TTN: variants seen among roughly 807,000 people sequenced by gnomAD.
TTN encodes the protein titin, also known as connectin.
In TTN, 1,525 loss-of-function variants were observed where a neutral mutation model predicts 3,223.0. That is an observed-to-expected ratio of 0.47 (90% CI 0.45 to 0.49). TTN has a LOEUF of 0.49. Among genes scored for constraint, TTN ranks in the 20% least tolerant of loss-of-function variants. The probability of loss-of-function intolerance (pLI) is 0.00; values close to 1 mark genes in which losing one functional copy is unlikely to be tolerated. For missense variants in TTN, 40,786 were observed against 43,424.0 expected, an observed-to-expected ratio of 0.94 and a Z score of 5.40; for synonymous variants, 14,094 against 15,161.0, an observed-to-expected ratio of 0.93 and a Z score of 5.17.
At position 178,597,819 on chromosome 2, in the gene TTN, A is replaced by G. The variant is rs1224179750; in HGVS notation, c.57263T>C (p.Val19088Ala). 6.2e-7 allele frequency: 1 copy of G among 1,612,984 alleles called. No individual in the cohort carries two copies. The highest frequency in any genetic ancestry group is 2.2e-5 in the East Asian group (1 of 44,624). The change falls in exon 294 of 363, where the codon GTT becomes GCT. Residue 19088 changes from valine (V) to alanine (A), a missense_variant and splice_region_variant. Transcript: ENST00000589042. ...TDVIEMKDRL[V>A]SPDLQLDASV... is the part of the protein sequence containing the mutation. ...GGCATCTAGCTGAAGGTCAGGTGAA[A>G]CTGGAAGCAATTGAAAATTACAAAT...
Position 178,720,220 on chromosome 2 carries a change from T to A in TTN, c.23422A>T (p.Ile7808Phe), listed in dbSNP as rs780407852. ...VKKLSDTSTLIGDAVELRAIV... is the reference protein window; with the variant it reads ...VKKLSDTSTLFGDAVELRAIV... ...GCCCGTAACTCAACAGCATCCCCAA[T>A]AAGGGTTGAGGTGTCACTTAGCTTT... is the stretch of plus-strand genomic sequence containing the variant. Residue 7808 changes from isoleucine (I) to phenylalanine (F), a missense_variant, in exon 81 of 363, where the codon ATT becomes TTT. Transcript: ENST00000589042. 1.2e-6 allele frequency: 2 copies of A among 1,613,452 alleles called. No individual in the cohort carries two copies. Among genetic ancestry groups the A allele is most frequent in the African/African-American group, 1.3e-5 (1 of 74,896 alleles).
chr2:178,547,725 C>T lies in TTN; in HGVS notation c.93901G>A (p.Val31301Ile), dbSNP rs67665715. The T allele has an allele frequency of 6.6e-3, 10,624 of 1,613,860 alleles. 521 individuals are homozygous for T. In the African/African-American group the frequency reaches 0.11, roughly 17 times the overall value. The change falls in exon 339 of 363, where the codon GTC becomes ATC. Residue 31301 changes from valine to isoleucine, a missense_variant. Physicochemically the swap from Val to Ile is conservative, Grantham distance 29. Coordinates refer to ENST00000589042, the MANE Select transcript of TTN (RefSeq NM_001267550.2). The part of the protein sequence containing the change: ...ENTAGVKTFS[V>I]TVVVIGRPGP... Reference sequence around the variant, plus strand: ...GGCCTTCCAATGACCACAACTGTGACGCTAAATGTTTTAACACCAGCTGTA... The same window carrying T: ...GGCCTTCCAATGACCACAACTGTGATGCTAAATGTTTTAACACCAGCTGTA...
Position 178,769,793 on chromosome 2 carries a change from C to T in TTN, c.8788G>A (p.Val2930Ile), listed in dbSNP as rs56373393. 143 of 1,614,054 alleles carry T rather than the reference C, an allele frequency of 8.9e-5. No homozygotes were observed. In the East Asian group the frequency reaches 3.1e-3, roughly 35 times the overall value. Residue 2930 changes from valine (V) to isoleucine (I), a missense_variant, in exon 37 of 363, where the codon GTT (valine) becomes ATT (isoleucine). Physicochemically the swap from Val to Ile is conservative, Grantham distance 29. Transcript: ENST00000589042. ...AGCTGATGGAGTTTTCCCTGCACAACTATCTTGAACTTTTCACTCATCTCA... is the reference window on the plus strand; with the variant it reads ...AGCTGATGGAGTTTTCCCTGCACAATTATCTTGAACTTTTCACTCATCTCA... The part of the protein sequence containing the change: ...EIEMSEKFKI[V>I]VQGKLHQLII...
chr2:178,729,640 G>T (rs373360028), intron 63 of TTN, 24 bp downstream of exon 63: 1 of 1,613,592 alleles, frequency 6.2e-7, no homozygotes. Flanking sequence ...CAGCCAAAAT[G>T]GAGAATAGAT....
At position 178,652,755 on chromosome 2, in the gene TTN, A is replaced by T; in HGVS notation, c.38960-19T>A. 3.1e-6 allele frequency: 5 copies of T among 1,611,542 alleles called. No homozygotes were observed. The highest frequency in any genetic ancestry group is 4.2e-6 in the Non-Finnish European group (5 of 1,178,972). ...TCTGGTACTTAAAAGATATTAGTGA[A>T]ATTACATTTAGGGGTTATGAAGACC... On this transcript the variant is annotated intron_variant, in intron 200 of 362. Transcript: ENST00000589042.
At position 178,609,808 on chromosome 2, in the gene TTN, C is replaced by T; in HGVS notation, c.51615G>A (p.Leu17205=). Reference sequence around the variant, plus strand: ...CTTCAAGTCCTTTTGCTGTATAGGTCAGGATTGGTACCAGGTGTTCATTGC... The same window carrying T: ...CTTCAAGTCCTTTTGCTGTATAGGTTAGGATTGGTACCAGGTGTTCATTGC... The part of the protein sequence containing the change: ...KRCNEHLVPI[L]TYTAKGLEEG... The change falls in exon 272 of 363, where the codon CTG becomes CTA. Residue 17205 remains leucine (L), a synonymous_variant. Coordinates refer to ENST00000589042, the MANE Select transcript of TTN (RefSeq NM_001267550.2). 1 of 1,612,888 alleles carries T rather than the reference C, an allele frequency of 6.2e-7. No individual in the cohort carries two copies.
At position 178,717,325 on chromosome 2, in the gene TTN, C is replaced by G; in HGVS notation, c.25409G>C (p.Gly8470Ala). The G allele has an allele frequency of 6.2e-7, 1 of 1,613,562 alleles. No individual in the cohort carries two copies. Among genetic ancestry groups the G allele is most frequent in the Non-Finnish European group, 8.5e-7 (1 of 1,179,600 alleles). ...ATGACATTTAAAAGTACCACTTTCT[C>G]CAAGAGCAAGATCTACTGATACAGG... ...LKPVSVDLALGESGTFKCHVT... is the reference protein window; with the variant it reads ...LKPVSVDLALAESGTFKCHVT... Residue 8470 changes from glycine to alanine, a missense_variant, in exon 88 of 363, where the codon GGA (glycine) becomes GCA (alanine). Gly to Ala is a moderately conservative substitution (Grantham distance 60). Coordinates refer to ENST00000589042, the MANE Select transcript of TTN (RefSeq NM_001267550.2).
Position 178,542,573 on chromosome 2 carries a change from A to G in TTN, c.97193-10T>C. ...GGTGGACCAGGCTTGTCTATGAAAG[A>G]GAAGAAATACAGGAAATTAATTTTT... On this transcript the variant is annotated splice_polypyrimidine_tract_variant and intron_variant, in intron 348 of 362. Transcript: ENST00000589042. The G allele has an allele frequency of 6.3e-7, 1 of 1,594,272 alleles. No individual in the cohort carries two copies. Among genetic ancestry groups the G allele is most frequent in the South Asian group, 1.1e-5 (1 of 88,740 alleles).
chr2:178,570,045 G>A lies in TTN; in HGVS notation c.76087C>T (p.Arg25363Cys), dbSNP rs757511354. Residue 25363 changes from arginine (R) to cysteine (C), a missense_variant, in exon 326 of 363, where the codon CGC (arginine) becomes TGC (cysteine). Physicochemically the swap from Arg to Cys is radical, Grantham distance 180. Transcript: ENST00000589042. The stretch of plus-strand genomic sequence containing the variant: ...TCTATGAGTCCAGTTACTCTCAGGC[G>A]CAACTCTCCAATCAGACGCTTATGG... ...RCHKRLIGEL[R>C]LRVTGLIENH... 2.9e-5 allele frequency: 46 copies of A among 1,613,146 alleles called. No individual in the cohort carries two copies. Among genetic ancestry groups the A allele is most frequent in the East Asian group, 2.5e-4 (11 of 44,768 alleles).
At position 178,722,127 on chromosome 2, in the gene TTN, C is replaced by A; in HGVS notation, c.22536G>T (p.Lys7512Asn). The change falls in exon 78 of 363, where the codon AAG becomes AAT. Residue 7512 changes from lysine (K) to asparagine (N), a missense_variant. Physicochemically the swap from Lys to Asn is moderately conservative, Grantham distance 94 (BLOSUM62 0). Coordinates refer to ENST00000589042, the MANE Select transcript of TTN (RefSeq NM_001267550.2). ...GCTTGATGTCAAAGAAGGGAGATTT[C>A]TTGGGTTCTGGAGGATGAGAAGAAA... is the stretch of plus-strand genomic sequence containing the variant. ...SSARLTAREP[K>N]KSPFFDIKPV... The A allele has an allele frequency of 6.4e-7, 1 of 1,561,722 alleles. No individual in the cohort carries two copies. The highest frequency in any genetic ancestry group is 1.4e-5 in the African/African-American group (1 of 72,996).
At chr2:178,780,228 A>G in intron 21 of TTN, 23 bp from the exon 22 acceptor site, 1 of 1,579,258 alleles carries the variant, frequency 6.3e-7, no homozygotes, top group East Asian at 2.2e-5. Flanking sequence ...AACATCAGTT[A>G]ATTTTTAATG....
Position 178,576,503 on chromosome 2 carries a change from C to T in TTN, c.69715+26G>A, listed in dbSNP as rs150291258. 288 of 1,607,850 alleles carry T rather than the reference C, an allele frequency of 1.8e-4. 2 individuals are homozygous for T. The East Asian group carries it at 5.5e-3, about 30-fold the overall frequency. ...TAAAATATTGGCACTCTGGAATGAA[C>T]GGTGTTGAAAAAGACAAATACTAAC... On this transcript the variant is annotated intron_variant, in intron 325 of 362. Transcript: ENST00000589042. This position sits in a 1 kb window ranked among gnomAD's most constrained non-coding sequence, Gnocchi z 4.3.
chr2:178,730,022 C>CA, intron 62 of TTN, 71 bp downstream of exon 62: 1 of 1,584,504 alleles, frequency 6.3e-7, no homozygotes, highest in Non-Finnish European at 8.6e-7. Context: ...TCTTAAGCGT[C>CA]CCCCGCCCCG....
rs1352705790 is a variant in TTN, at chr2:178,612,958, A to G, written c.49763T>C (p.Ile16588Thr). ...ATCTGTTCCAGTCTTCAGCATTTCAATGACATAAGACTCAATCTTTGCACC... is the reference window on the plus strand; with the variant it reads ...ATCTGTTCCAGTCTTCAGCATTTCAGTGACATAAGACTCAATCTTTGCACC... ...DGGAKIESYVIEMLKTGTDEW... is the reference protein window; with the variant it reads ...DGGAKIESYVTEMLKTGTDEW... The change falls in exon 265 of 363, where the codon ATT (isoleucine) becomes ACT (threonine). Residue 16588 changes from isoleucine (I) to threonine (T), a missense_variant. Ile to Thr is a moderately conservative substitution (Grantham distance 89). Transcript: ENST00000589042. 2.5e-6 allele frequency: 4 copies of G among 1,612,584 alleles called. No homozygotes were observed. Among genetic ancestry groups the G allele is most frequent in the Non-Finnish European group, 3.4e-6 (4 of 1,179,260 alleles).
chr2:178,695,763 C>G, intron 114 of TTN, 102 bp downstream of exon 114: 1 of 937,344 alleles, frequency 1.1e-6, no homozygotes, highest in Admixed American at 3.7e-5. Context: ...ATCATTTTAA[C>G]TATTTCACAT....
At position 178,536,288 on chromosome 2, in the gene TTN, G is replaced by A. The variant is rs72629779; in HGVS notation, c.100459C>T (p.Pro33487Ser). ...EWSEISEPIT[P>S]KSDVPIQAPH... ...GCCTGAATTGGGACATCAGATTTGGGAGTGATGGGTTCTGATATTTCACTC... is the reference window on the plus strand; with the variant it reads ...GCCTGAATTGGGACATCAGATTTGGAAGTGATGGGTTCTGATATTTCACTC... Residue 33487 changes from proline to serine, a missense_variant, in exon 357 of 363, where the codon CCC (proline) becomes TCC (serine). By Grantham distance (74) the Pro-to-Ser change is moderately conservative. Transcript: ENST00000589042. The A allele has an allele frequency of 2.1e-3, 3,378 of 1,613,642 alleles. 64 individuals carry two copies. The African/African-American group carries it at 0.039, about 19-fold the overall frequency.
In TTN at chr2:178,538,667, C is replaced by T. The variant is rs368686031; in HGVS notation, c.99162G>A (p.Lys33054=). Residue 33054 remains lysine (K), a synonymous_variant, in exon 354 of 363, where the codon AAG becomes AAA. Coordinates refer to ENST00000589042, the MANE Select transcript of TTN (RefSeq NM_001267550.2). The part of the protein sequence containing the change: ...AWKKSNKERI[K]DKQFTIGGLL... Reference sequence around the variant, plus strand: ...AACCTCCTATTGTGAATTGCTTGTCCTTAATACGTTCCTTATTGCTCTTCT... The same window carrying T: ...AACCTCCTATTGTGAATTGCTTGTCTTTAATACGTTCCTTATTGCTCTTCT... 904 of 1,613,754 alleles carry T rather than the reference C, an allele frequency of 5.6e-4. No individual in the cohort carries two copies. The highest frequency in any genetic ancestry group is 7.0e-4 in the Non-Finnish European group (828 of 1,179,750).
intron 91 of TTN, 30 bp downstream of exon 91, chr2:178,714,262 T>C (rs1178605694): frequency 1.1e-5 from 18 of 1,603,128 alleles, no homozygotes; most frequent in Non-Finnish European, 1.5e-5. Context: ...GTGTGCCTTG[T>C]ATCTGTGATA....
chr2:178,604,579 A>G, intron 281 of TTN, 129 bp downstream of exon 281: 1 of 1,065,124 alleles, frequency 9.4e-7, no homozygotes, highest in Non-Finnish European at 1.3e-6. Flanking sequence ...AAACACTACA[A>G]TAACAAAATA....
Sources: allele counts gnomAD v4.1 joint callset, GRCh38; gene constraint gnomAD v4.1.1; non-coding constraint Gnocchi (gnomAD v3.1); transcripts MANE v1.5; gene names NCBI Gene and HGNC (gene_info 2026-07-23, HGNC 2026-07-21).